The following SRPX variants were observed in gnomAD, a reference collection of about 807,000 sequenced individuals.
SRPX encodes the protein sushi repeat containing protein X-linked, also known as sushi repeat-containing protein SRPX.
A neutral mutation model predicts 38.1 loss-of-function variants in SRPX; 24 were observed. That is an observed-to-expected ratio of 0.63 (90% CI 0.46 to 0.89). The LOEUF is 0.89. Ranked by LOEUF, SRPX falls within the 40% of genes least tolerant of loss-of-function variation. The probability of loss-of-function intolerance (pLI) is 0.00; values close to 1 mark genes in which losing one functional copy is unlikely to be tolerated. For synonymous variants in SRPX, 184 were observed against 153.8 expected, an observed-to-expected ratio of 1.20 and a Z score of -1.45; for missense variants, 416 against 377.8, an observed-to-expected ratio of 1.10 and a Z score of -0.84.
chrX:38,191,549 C>T (rs1312161442), intron 1 of SRPX, among the ~76,000 whole-genome samples: 1 of 110,902 alleles, frequency 9.0e-6, no homozygotes, highest in Non-Finnish European at 1.9e-5. Context: ...CAGACACACA[C>T]ACACACACAC....
At chrX:38,181,541 G>C (rs1363666612) in intron 1 of SRPX, among the ~76,000 whole-genome samples, 1 of 111,600 alleles carries the variant, frequency 9.0e-6, no homozygotes, top group Non-Finnish European at 1.9e-5. Context: ...AGGGAGGATA[G>C]TGACGTTGGC....
Position 38,149,632 on chromosome X carries a change from A to G in SRPX, c.*79T>C, listed in dbSNP as rs1937970833. ...AATTACAAATAAAATCTGTACATCAAGGATATTTTTAAGGCTTTCCCGTGT... is the reference window on the plus strand; with the variant it reads ...AATTACAAATAAAATCTGTACATCAGGGATATTTTTAAGGCTTTCCCGTGT... On this transcript the variant is annotated 3_prime_UTR_variant, in exon 10 of 10. Transcript: ENST00000378533. The G allele has an allele frequency of 1.1e-6, 1 of 931,186 alleles. No homozygotes were observed. Among genetic ancestry groups the G allele is most frequent in the Non-Finnish European group, 1.4e-6 (1 of 690,045 alleles). The allele number at this position is 931,186 out of a possible 1,213,427, so 76.7% of individuals were successfully genotyped here. A position where few individuals can be genotyped will look rare whatever the true frequency, so the allele number is the denominator to read the frequency against.
intron 1 of SRPX, among the ~76,000 whole-genome samples, chrX:38,196,531 T>A (rs1422640374): frequency 1.8e-5 from 2 of 112,474 alleles, no homozygotes; most frequent in African/African-American, 6.5e-5. Context: ...TCAGGAGATA[T>A]GCTATAGGGC....
intron 2 of SRPX, among the ~76,000 whole-genome samples, chrX:38,177,971 A>G (rs953786419): frequency 3.4e-4 from 38 of 111,964 alleles, no homozygotes; most frequent in African/African-American, 1.2e-3. Context: ...TCTGGCTGTA[A>G]TGTATGAATT....
chrX:38,156,805 G>A (rs916943991), intron 8 of SRPX, 91 bp downstream of exon 8: 1 of 1,023,979 alleles, frequency 9.8e-7, no homozygotes, highest in Non-Finnish European at 1.3e-6. Flanking sequence ...AGTGCATTAG[G>A]CACTGAATCT....
chrX:38,216,131 T>A (rs1265325737), intron 1 of SRPX, among the ~76,000 whole-genome samples: 1 of 111,921 alleles, frequency 8.9e-6, no homozygotes, highest in African/African-American at 3.3e-5. Flanking sequence ...TACTTTCACT[T>A]TTCTTGGGCC....
intron 1 of SRPX, among the ~76,000 whole-genome samples, chrX:38,212,680 G>A (rs1314258092): frequency 3.6e-5 from 4 of 111,264 alleles, no homozygotes; most frequent in African/African-American, 9.8e-5. Context: ...AAAAGAATAT[G>A]GGGTCCATAG....
At chrX:38,179,823 G>A (rs1019341633) in intron 1 of SRPX, among the ~76,000 whole-genome samples, 1 of 111,774 alleles carries the variant, frequency 8.9e-6, no homozygotes, top group African/African-American at 3.3e-5. Flanking sequence ...ATGAGCACTG[G>A]AACCAGACAC....
chrX:38,201,262 A>T (rs1939107276), intron 1 of SRPX, among the ~76,000 whole-genome samples: 1 of 111,664 alleles, frequency 9.0e-6, no homozygotes, highest in Non-Finnish European at 1.9e-5. Flanking sequence ...AGGTCTAACA[A>T]TATACTAGGC....
At chrX:38,203,516 C>A (rs1177208150) in intron 1 of SRPX, among the ~76,000 whole-genome samples, 1 of 113,042 alleles carries the variant, frequency 8.8e-6, no homozygotes, top group African/African-American at 3.2e-5. Context: ...CGGTAGCTCA[C>A]GCCTGTAATC....
chrX:38,153,302 CTTTTTTTTTTTTTT>C (rs58888978), intron 9 of SRPX, among the ~76,000 whole-genome samples: 1 of 54,740 alleles, frequency 1.8e-5, no homozygotes, highest in Admixed American at 2.6e-4. Flanking sequence ...TTCTTTCTTT[CTTTTTTTTTTTTTT>C]TTTTTTTTTT....
intron 1 of SRPX, among the ~76,000 whole-genome samples, chrX:38,200,018 A>C (rs1014419392): frequency 8.9e-6 from 1 of 112,362 alleles, no homozygotes; most frequent in Non-Finnish European, 1.9e-5. Flanking sequence ...AATTAAGCTG[A>C]AGTCAATTTC....
Position 38,220,772 on chromosome X carries a change from C to A in SRPX, c.21G>T (p.Arg7=). ...GCGGCAGCAGCAGCAGCAGCGCGGG[C>A]CGATGTGCGGGGCTCCCCATGGCGA... MGSPAH[R]PALLLLLPPL... Residue 7 remains arginine, a synonymous_variant, in exon 1 of 10, where the codon CGG becomes CGT. Coordinates refer to ENST00000378533, the MANE Select transcript of SRPX (RefSeq NM_006307.5). The A allele has an allele frequency of 8.8e-7, 1 of 1,131,547 alleles. No individual in the cohort carries two copies. Among genetic ancestry groups the A allele is most frequent in the Non-Finnish European group, 1.2e-6 (1 of 862,124 alleles). The allele number at this position is 1,131,547 out of a possible 1,213,427, so 93.3% of individuals were successfully genotyped here. A position where few individuals can be genotyped will look rare whatever the true frequency, so the allele number is the denominator to read the frequency against.
At chrX:38,160,874 T>C (rs1938237121) in intron 6 of SRPX, 59 bp downstream of exon 6, 2 of 1,177,324 alleles carry the variant, frequency 1.7e-6, no homozygotes, top group South Asian at 1.9e-5. Context: ...CTTGAGGACC[T>C]ACTTCCCTTT....
intron 2 of SRPX, among the ~76,000 whole-genome samples, chrX:38,176,363 ATGT>A (rs920153798): frequency 1.8e-5 from 2 of 112,210 alleles, no homozygotes; most frequent in Non-Finnish European, 3.8e-5. Flanking sequence ...AGCACCGTAA[ATGT>A]TGGTTACATT....
At chrX:38,204,390 G>A (rs1939174028) in intron 1 of SRPX, among the ~76,000 whole-genome samples, 1 of 112,233 alleles carries the variant, frequency 8.9e-6, no homozygotes, top group South Asian at 3.6e-4. Context: ...ATAAACCAAT[G>A]GATCAGAATA....
At position 38,149,854 on chromosome X, in the gene SRPX, G is replaced by T; in HGVS notation, c.1252C>A (p.Leu418Ile). Residue 418 changes from leucine (L) to isoleucine (I), a missense_variant, in exon 10 of 10, where the codon CTA (leucine) becomes ATA (isoleucine). By Grantham distance (5) the Leu-to-Ile change is conservative. Transcript: ENST00000378533. ...TTGTCCATGCCATGCTTATCCACTAGCACCATACTGAAGGAGTAGAGTGGG... is the reference window on the plus strand; with the variant it reads ...TTGTCCATGCCATGCTTATCCACTATCACCATACTGAAGGAGTAGAGTGGG... Reference protein sequence around the residue: ...RIPLYSFSMVLVDKHGMDKER... With the variant: ...RIPLYSFSMVIVDKHGMDKER... The T allele has an allele frequency of 1.7e-6, 2 of 1,210,042 alleles. No homozygotes were observed. Among genetic ancestry groups the T allele is most frequent in the South Asian group, 3.5e-5 (2 of 56,390 alleles).
At chrX:38,216,110 C>T (rs995755158) in intron 1 of SRPX, among the ~76,000 whole-genome samples, 4 of 111,775 alleles carry the variant, frequency 3.6e-5, no homozygotes, top group Non-Finnish European at 5.6e-5. Flanking sequence ...TAGAGAAGCC[C>T]ACACATCCTC....
chrX:38,220,198 G>A (rs1050877931), intron 1 of SRPX, among the ~76,000 whole-genome samples: 1 of 113,574 alleles, frequency 8.8e-6, no homozygotes, highest in African/African-American at 3.2e-5. Context: ...GGGAGGCCCC[G>A]CCCGTGCCTT....
Sources: allele counts gnomAD v4.1 joint callset (sites outside exome capture counted in the v4.1 genomes callset), GRCh38; gene constraint gnomAD v4.1.1; transcripts MANE v1.5; gene names NCBI Gene and HGNC (gene_info 2026-07-23, HGNC 2026-07-21).